CNTNAP5: variants seen among roughly 807,000 people sequenced by gnomAD.
CNTNAP5 encodes the protein contactin associated protein family member 5, also known as contactin-associated protein-like 5.
In CNTNAP5, 72 loss-of-function variants were observed where a neutral mutation model predicts 150.2. That is an observed-to-expected ratio of 0.48 (90% CI 0.40 to 0.58). The LOEUF (loss-of-function observed/expected upper bound fraction) is 0.58, where lower values mean the gene tolerates loss of function less well. Among genes scored for constraint, CNTNAP5 ranks in the 20% least tolerant of loss-of-function variants. CNTNAP5 has a pLI of 0.00. For synonymous variants in CNTNAP5, 672 were observed against 619.8 expected, an observed-to-expected ratio of 1.08 and a Z score of -1.25; for missense variants, 1,636 against 1,626.2, an observed-to-expected ratio of 1.01 and a Z score of -0.10.
rs1333698674 is a variant in CNTNAP5 at position 124,920,126 on chromosome 2, A to C, written c.*5838A>C. 6.6e-6 allele frequency among the ~76,000 whole-genome samples: 1 copy of C among 152,132 alleles called. No homozygotes were observed. Among genetic ancestry groups the C allele is most frequent in the Non-Finnish European group, 1.5e-5 (1 of 68,014 alleles). The stretch of plus-strand genomic sequence containing the variant: ...ACAAGGAAACCCTTTATAAAATAGG[A>C]CAAAATTAGGAGATTAGTCCCAAGC... On this transcript the variant is annotated 3_prime_UTR_variant, in exon 24 of 24. Coordinates refer to ENST00000682447, the MANE Select transcript of CNTNAP5 (RefSeq NM_001367498.1).
chr2:124,490,131 C>T (rs1383727767), intron 7 of CNTNAP5, among the ~76,000 whole-genome samples: 1 of 152,018 alleles, frequency 6.6e-6, no homozygotes, highest in Non-Finnish European at 1.5e-5. Flanking sequence ...ATCAGGAGTT[C>T]AAGGACAGCC....
At chr2:124,059,475 C>G (rs1363444694) in intron 1 of CNTNAP5, among the ~76,000 whole-genome samples, 3 of 152,160 alleles carry the variant, frequency 2.0e-5, no homozygotes, top group African/African-American at 7.2e-5. Flanking sequence ...AGTTTGTGTC[C>G]TCTTCTGTAA....
At chr2:124,250,481 T>C (rs1453289248) in intron 3 of CNTNAP5, among the ~76,000 whole-genome samples, 2 of 152,138 alleles carry the variant, frequency 1.3e-5, no homozygotes, top group Non-Finnish European at 2.9e-5. Context: ...CTGCTTTCTT[T>C]TGAGCTTTGT....
Position 124,909,047 on chromosome 2 carries a change from A to T in CNTNAP5, c.3656-2420A>T, listed in dbSNP as rs570913849. ...AGGATAATTTATTATTAAAGAAAGA[A>T]AAAAAGTCAATAAATGTAGTGTAGC... On this transcript the variant is annotated intron_variant, in intron 22 of 23. Coordinates refer to ENST00000682447, the MANE Select transcript of CNTNAP5 (RefSeq NM_001367498.1). 2.6e-5 allele frequency among the ~76,000 whole-genome samples: 4 copies of T among 152,250 alleles called. No individual in the cohort carries two copies. The South Asian group carries it at 8.3e-4, about 32-fold the overall frequency.
intron 13 of CNTNAP5, among the ~76,000 whole-genome samples, chr2:124,713,577 T>C (rs571443625): frequency 2.0e-5 from 3 of 151,988 alleles, no homozygotes; most frequent in African/African-American, 4.8e-5. Flanking sequence ...GGTTTCACTA[T>C]GTCGGCTAGG....
At chr2:124,202,377 A>G (rs1189993108) in intron 1 of CNTNAP5, among the ~76,000 whole-genome samples, 1 of 152,232 alleles carries the variant, frequency 6.6e-6, no homozygotes, top group East Asian at 1.9e-4. Flanking sequence ...AGAAATTTTG[A>G]AGGAAAACTT....
chr2:124,703,235 C>CCTCCCTTTCTTTCTTCTTCCTTCCTT (rs1394115810), intron 13 of CNTNAP5, among the ~76,000 whole-genome samples: 2 of 148,860 alleles, frequency 1.3e-5, no homozygotes, highest in Non-Finnish European at 3.0e-5. Context: ...CTTCCTTCCT[C>CCTCCCTTTCTTTCTTCTTCCTTCCTT]CTCCCTTTCT....
intron 10 of CNTNAP5, among the ~76,000 whole-genome samples, chr2:124,552,667 ATATGTGTGTGTATT>A (rs1484527470): frequency 7.9e-5 from 12 of 152,202 alleles, no homozygotes; most frequent in Non-Finnish European, 1.5e-4. Context: ...GTGTGTGTAT[ATATGTGTGTGTATT>A]TATGTATGCA....
At position 124,756,907 on chromosome 2, in the gene CNTNAP5, C is replaced by T. The variant is rs527260925; in HGVS notation, c.2235-6765C>T. On this transcript the variant is annotated intron_variant, in intron 14 of 23. Transcript: ENST00000682447. The stretch of plus-strand genomic sequence containing the variant: ...ATGTAATAAACTTGCACATCTTGCA[C>T]ATGTACCCCTGAAATTAAAAGTTGG... 2.4e-4 allele frequency among the ~76,000 whole-genome samples: 36 copies of T among 152,136 alleles called. No homozygotes were observed. The South Asian group carries it at 6.2e-3, about 26-fold the overall frequency.
intron 1 of CNTNAP5, among the ~76,000 whole-genome samples, chr2:124,107,662 T>C (rs1035421302): frequency 1.3e-5 from 2 of 152,346 alleles, no homozygotes; most frequent in East Asian, 1.9e-4. Flanking sequence ...ATAATTCAAG[T>C]AGACTGTATG....
chr2:124,513,887 C>G (rs560563271), intron 8 of CNTNAP5, among the ~76,000 whole-genome samples: 2 of 152,266 alleles, frequency 1.3e-5, no homozygotes, highest in African/African-American at 2.4e-5. Context: ...GAGCTGATCC[C>G]CAAATATTGC....
chr2:124,230,512 G>A lies in CNTNAP5; in HGVS notation c.187+8703G>A, dbSNP rs180727073. Among the ~76,000 whole-genome samples, 809 of 93,684 alleles carry A rather than the reference G, an allele frequency of 8.6e-3. 37 individuals carry two copies. The East Asian group carries it at 0.19, about 22-fold the overall frequency. The allele number at this position is 93,684 out of a possible 152,430, so 61.5% of individuals were successfully genotyped here. ...TTCTTTTGTGTGTGTGTGTGTGTGT[G>A]TATATATATATATATAAATTATTAT... On this transcript the variant is annotated intron_variant, in intron 2 of 23. Transcript: ENST00000682447.
chr2:124,267,714 T>C (rs560931782), intron 3 of CNTNAP5, among the ~76,000 whole-genome samples: 1 of 152,184 alleles, frequency 6.6e-6, no homozygotes, highest in Non-Finnish European at 1.5e-5. Flanking sequence ...GAAATATATA[T>C]TTTTCTAATA....
rs531940512 is a variant in CNTNAP5 at position 124,897,011 on chromosome 2, C to T, written c.3437-5871C>T. 6.2e-4 allele frequency among the ~76,000 whole-genome samples: 94 copies of T among 151,710 alleles called. 2 individuals are homozygous for T. Among genetic ancestry groups the T allele is most frequent in the African/African-American group, 2.1e-3 (88 of 41,056 alleles). ...TGTGCCTGAAACATGTAACCATCTT[C>T]TATTCATCATTTAAGCCTTTATTTG... On this transcript the variant is annotated intron_variant, in intron 21 of 23. Transcript: ENST00000682447.
At chr2:124,771,725 C>T (rs887827377) in intron 16 of CNTNAP5, among the ~76,000 whole-genome samples, 1 of 149,616 alleles carries the variant, frequency 6.7e-6, no homozygotes, top group African/African-American at 2.5e-5. Context: ...TCATCACCAC[C>T]ATCACCACCA....
intron 1 of CNTNAP5, among the ~76,000 whole-genome samples, chr2:124,155,886 C>G (rs763981275): frequency 1.3e-5 from 2 of 152,124 alleles, no homozygotes; most frequent in Non-Finnish European, 2.9e-5. Context: ...CCTTAATGAC[C>G]AAGTCTATTG....
chr2:124,908,967 G>GT (rs1486988544), intron 22 of CNTNAP5, among the ~76,000 whole-genome samples: 1 of 151,862 alleles, frequency 6.6e-6, no homozygotes, highest in Non-Finnish European at 1.5e-5. Context: ...TGACAAAGAA[G>GT]TAAAAAAGTT....
At chr2:124,713,050 G>A (rs1311886476) in intron 13 of CNTNAP5, among the ~76,000 whole-genome samples, 1 of 152,064 alleles carries the variant, frequency 6.6e-6, no homozygotes, top group Non-Finnish European at 1.5e-5. Flanking sequence ...GAGAAGTGGA[G>A]GTCACACACA....
Position 124,137,374 on chromosome 2 carries a change from A to C in CNTNAP5, c.83-84331A>C, listed in dbSNP as rs115326788. Among the ~76,000 whole-genome samples the C allele has an allele frequency of 4.2e-3, 645 of 152,314 alleles. 4 individuals carry two copies. Among genetic ancestry groups the C allele is most frequent in the African/African-American group, 0.015 (604 of 41,570 alleles). ...ATATAAATGAAAAAGGAGGAAATAC[A>C]AGGAAAAAAATCCTCAATTTTGTCT... On this transcript the variant is annotated intron_variant, in intron 1 of 23. Coordinates refer to ENST00000682447, the MANE Select transcript of CNTNAP5 (RefSeq NM_001367498.1).
Sources: gnomAD v4.1 joint callset for allele counts (sites outside exome capture counted in the v4.1 genomes callset) on GRCh38, gnomAD v4.1.1 for gene constraint, MANE v1.5 for transcripts, NCBI Gene and HGNC (gene_info 2026-07-23, HGNC 2026-07-21) for gene names.